The following ANKFN1 variants were observed in gnomAD, a reference collection of about 807,000 sequenced individuals.
ANKFN1 encodes ankyrin repeat and fibronectin type-III domain-containing protein 1.
ANKFN1 carries 74 observed loss-of-function variants against 108.7 expected under a neutral mutation model. The observed-to-expected ratio is 0.68, with a 90% CI of 0.56 to 0.83. ANKFN1 has a LOEUF of 0.83. Among genes scored for constraint, ANKFN1 ranks in the 40% least tolerant of loss-of-function variants. ANKFN1 has a pLI of 0.00. For synonymous variants in ANKFN1, 547 were observed against 516.2 expected, an observed-to-expected ratio of 1.06 and a Z score of -0.81; for missense variants, 1,505 against 1,382.3, an observed-to-expected ratio of 1.09 and a Z score of -1.41.
chr17:56,465,606 T>G (rs2145279970), intron 14 of ANKFN1, among the ~76,000 whole-genome samples: 1 of 152,322 alleles, frequency 6.6e-6, no homozygotes, highest in East Asian at 1.9e-4. Context: ...ATCCTATTCA[T>G]CCAGTGTTCT....
intron 1 of ANKFN1, among the ~76,000 whole-genome samples, chr17:56,168,874 T>C (rs1388680755): frequency 6.6e-6 from 1 of 152,160 alleles, no homozygotes; most frequent in African/African-American, 2.4e-5. Context: ...GAGGAGTGAA[T>C]GGATAAGTGG....
intron 14 of ANKFN1, among the ~76,000 whole-genome samples, chr17:56,462,521 G>A (rs1166768052): frequency 2.0e-5 from 3 of 152,150 alleles, no homozygotes; most frequent in African/African-American, 7.2e-5. Context: ...TTGAACCCAG[G>A]AGGCGGAGGT....
intron 18 of ANKFN1, among the ~76,000 whole-genome samples, chr17:56,484,367 A>G (rs1466690311): frequency 6.6e-6 from 1 of 152,190 alleles, no homozygotes; most frequent in African/African-American, 2.4e-5. Flanking sequence ...AAGAAGAAAA[A>G]AAAAGAAAGA....
At chr17:56,481,082 C>CAAAAAAAAAAAAAAAAAAAAAAAA in intron 17 of ANKFN1, among the ~76,000 whole-genome samples, 1 of 65,884 alleles carries the variant, frequency 1.5e-5, no homozygotes, top group Non-Finnish European at 3.4e-5. Context: ...GTCTGGTCAG[C>CAAAAAAAAAAAAAAAAAAAAAAAA]AAAAAAAAAA....
chr17:56,165,057 T>C (rs1910022569), intron 1 of ANKFN1, among the ~76,000 whole-genome samples: 1 of 152,234 alleles, frequency 6.6e-6, no homozygotes, highest in Non-Finnish European at 1.5e-5. Context: ...TCCTGTAAAA[T>C]AGGTTCACTC....
intron 1 of ANKFN1, chr17:56,156,642 A>T (rs1405503628): frequency 2.6e-5 from 4 of 152,172 alleles, no homozygotes; most frequent in East Asian, 3.9e-4. Context: ...TGGAAAAGGA[A>T]GGAGTAAGGT....
At chr17:56,495,390 C>T (rs1320233032) in intron 19 of ANKFN1, among the ~76,000 whole-genome samples, 1 of 151,834 alleles carries the variant, frequency 6.6e-6, no homozygotes, top group Non-Finnish European at 1.5e-5. Flanking sequence ...AGCCACTCAC[C>T]CATTGGTGTT....
chr17:56,192,920 A>G (rs1383580039), intron 1 of ANKFN1, among the ~76,000 whole-genome samples: 5 of 136,486 alleles, frequency 3.7e-5, no homozygotes, highest in South Asian at 2.6e-4. Flanking sequence ...CCAAATGACT[A>G]TAAATCATGC....
intron 3 of ANKFN1, among the ~76,000 whole-genome samples, chr17:56,253,097 G>A (rs1411772625): frequency 6.6e-6 from 1 of 152,172 alleles, no homozygotes; most frequent in Non-Finnish European, 1.5e-5. Flanking sequence ...TCTAGAGTGA[G>A]AAAGAAGAGT....
intron 3 of ANKFN1, among the ~76,000 whole-genome samples, chr17:56,305,884 C>T (rs1277475125): frequency 1.3e-5 from 2 of 152,158 alleles, no homozygotes; most frequent in Admixed American, 1.3e-4. Context: ...TGGATGTTCA[C>T]TTGCACCAGC....
intron 4 of ANKFN1, among the ~76,000 whole-genome samples, chr17:56,340,408 G>A (rs34451415): frequency 0.14 from 21,679 of 151,772 alleles, 2,091 homozygotes; most frequent in East Asian, 0.4. Context: ...CACAGCCTAG[G>A]TTGTCTTCCA....
chr17:56,445,967 A>G (rs1308000648), intron 10 of ANKFN1, among the ~76,000 whole-genome samples: 2 of 152,164 alleles, frequency 1.3e-5, no homozygotes, highest in Non-Finnish European at 2.9e-5. Context: ...TATTCCTGTC[A>G]GGTTCCTGAT....
At chr17:56,455,566 C>G (rs767640105) in intron 11 of ANKFN1, among the ~76,000 whole-genome samples, 5 of 152,204 alleles carry the variant, frequency 3.3e-5, no homozygotes, top group Non-Finnish European at 5.9e-5. Flanking sequence ...ATTCTCATCT[C>G]CAGTGACATG....
At chr17:56,160,278 A>T (rs1909526877) in intron 1 of ANKFN1, among the ~76,000 whole-genome samples, 1 of 152,184 alleles carries the variant, frequency 6.6e-6, no homozygotes, top group South Asian at 2.1e-4. Flanking sequence ...CTCCCCTAGG[A>T]ATTGGTGTAG....
intron 18 of ANKFN1, among the ~76,000 whole-genome samples, chr17:56,486,844 A>G (rs1308079043): frequency 1.3e-5 from 2 of 152,236 alleles, no homozygotes; most frequent in Non-Finnish European, 2.9e-5. Flanking sequence ...GCATTGCACT[A>G]TATTTCAGTT....
At chr17:56,102,470 T>C (rs1212819879) in intron 4 of ANKFN1, among the ~76,000 whole-genome samples, 1 of 152,192 alleles carries the variant, frequency 6.6e-6, no homozygotes, top group Non-Finnish European at 1.5e-5. Context: ...AATGGTTAAA[T>C]GGTTAAATTC....
chr17:56,303,234 T>C (rs765933340), intron 3 of ANKFN1, among the ~76,000 whole-genome samples: 7 of 152,206 alleles, frequency 4.6e-5, no homozygotes, highest in Admixed American at 3.3e-4. Flanking sequence ...TCTGAGGCAG[T>C]ACAGTTAGCA....
chr17:56,323,764 T>C (rs1439291899), intron 3 of ANKFN1, among the ~76,000 whole-genome samples: 1 of 152,200 alleles, frequency 6.6e-6, no homozygotes, highest in African/African-American at 2.4e-5. Flanking sequence ...CAAATATTTA[T>C]TGAATGCCTT....
chr17:56,085,940 G>T (rs962069668), intron 4 of ANKFN1, among the ~76,000 whole-genome samples: 2 of 151,224 alleles, frequency 1.3e-5, no homozygotes, highest in South Asian at 4.2e-4. Context: ...AAAATTAGTT[G>T]TTAGAAGATG....
Sources: allele counts gnomAD v4.1 joint callset (sites outside exome capture counted in the v4.1 genomes callset), GRCh38; gene constraint gnomAD v4.1.1; transcripts MANE v1.5; gene names NCBI Gene and HGNC (gene_info 2026-07-23, HGNC 2026-07-21).